The following ROBO2 variants were observed in gnomAD, a reference collection of about 807,000 sequenced individuals.
The protein encoded by ROBO2 is roundabout homolog 2.
ROBO2 carries 53 observed loss-of-function variants against 160.8 expected under a neutral mutation model. The observed-to-expected ratio is 0.33, with a 90% CI of 0.26 to 0.41. ROBO2 has a LOEUF of 0.41. ROBO2 is among the 10% of genes least tolerant of loss of function. The probability of loss-of-function intolerance (pLI) is 1.00; values close to 1 mark genes in which losing one functional copy is unlikely to be tolerated. For synonymous variants in ROBO2, 664 were observed against 611.7 expected (o/e 1.09, Z -1.26); for missense variants, 1,577 against 1,722.4 (o/e 0.92, Z 1.49).
intron 2 of ROBO2, among the ~76,000 whole-genome samples, chr3:76,735,742 G>A (rs1278855075): frequency 2.2e-5 from 3 of 138,072 alleles, no homozygotes; most frequent in Non-Finnish European, 3.1e-5. Flanking sequence ...CCAGGGTGAC[G>A]GAGGGAGACC....
chr3:77,223,548 G>T (rs965834640), intron 2 of ROBO2, among the ~76,000 whole-genome samples: 1 of 152,008 alleles, frequency 6.6e-6, no homozygotes, highest in Non-Finnish European at 1.5e-5. Flanking sequence ...CCATGCAAAA[G>T]GATGACATGA....
At chr3:76,351,642 A>T (rs927467629) in intron 2 of ROBO2, among the ~76,000 whole-genome samples, 2 of 151,978 alleles carry the variant, frequency 1.3e-5, no homozygotes, top group African/African-American at 4.8e-5. Flanking sequence ...CATGAGGCTT[A>T]TGTTTCCATA....
intron 2 of ROBO2, among the ~76,000 whole-genome samples, chr3:76,778,891 G>T (rs1373255565): frequency 2.0e-5 from 3 of 151,048 alleles, no homozygotes; most frequent in African/African-American, 7.3e-5. Flanking sequence ...TCAGTGACCA[G>T]TTACTTCTAC....
intron 2 of ROBO2, among the ~76,000 whole-genome samples, chr3:77,416,129 G>C (rs1050959076): frequency 6.6e-6 from 1 of 152,158 alleles, no homozygotes; most frequent in Non-Finnish European, 1.5e-5. Flanking sequence ...TAAAGTTCTT[G>C]ACAATAAGAG....
At chr3:76,015,272 C>T (rs549409216) in intron 2 of ROBO2, among the ~76,000 whole-genome samples, 26 of 152,096 alleles carry the variant, frequency 1.7e-4, no homozygotes, top group South Asian at 6.2e-4. Context: ...AAGTCATATG[C>T]GCTTATATGT....
chr3:76,171,494 C>A (rs897398014), intron 2 of ROBO2, among the ~76,000 whole-genome samples: 2 of 151,948 alleles, frequency 1.3e-5, no homozygotes, highest in African/African-American at 4.8e-5. Context: ...TAAGGGCGGG[C>A]CAAACCAGGA....
intron 2 of ROBO2, among the ~76,000 whole-genome samples, chr3:76,368,173 G>A (rs1162455331): frequency 6.6e-6 from 1 of 151,778 alleles, no homozygotes; most frequent in East Asian, 1.9e-4. Flanking sequence ...TAGTTGAGGG[G>A]TGAATAGGAA....
intron 8 of ROBO2, among the ~76,000 whole-genome samples, chr3:77,555,032 T>C (rs2093060655): frequency 6.6e-6 from 1 of 151,924 alleles, no homozygotes; most frequent in South Asian, 2.1e-4. Context: ...GCTACCCCAA[T>C]CTTCAGCAAC....
intron 2 of ROBO2, among the ~76,000 whole-genome samples, chr3:77,417,229 C>A (rs1057208112): frequency 3.3e-5 from 3 of 91,854 alleles, no homozygotes; most frequent in Non-Finnish European, 6.5e-5. Context: ...GCAGGGTAAC[C>A]ACTTTTTTTT....
intron 3 of ROBO2, 75 bp from the exon 4 acceptor site, chr3:77,481,024 A>T (rs2084626999): frequency 2.3e-6 from 3 of 1,309,138 alleles, no homozygotes; most frequent in Admixed American, 1.7e-5. Flanking sequence ...ACTCAAAACT[A>T]TTTATTAATG....
intron 2 of ROBO2, among the ~76,000 whole-genome samples, chr3:77,345,163 G>C (rs886880190): frequency 6.6e-6 from 1 of 152,176 alleles, no homozygotes; most frequent in African/African-American, 2.4e-5. Context: ...CTAGGTGAAG[G>C]ATTTGCATCA....
intron 1 of ROBO2, among the ~76,000 whole-genome samples, chr3:77,094,105 A>G (rs2070718381): frequency 6.6e-6 from 1 of 152,158 alleles, no homozygotes; most frequent in Non-Finnish European, 1.5e-5. Context: ...TCATCCCTAA[A>G]GAAATCCCAT....
intron 2 of ROBO2, among the ~76,000 whole-genome samples, chr3:76,492,936 C>T (rs1301676485): frequency 6.6e-6 from 1 of 152,006 alleles, no homozygotes; most frequent in African/African-American, 2.4e-5. Context: ...TTAATTTTTA[C>T]ATTGTACATT....
chr3:76,696,446 G>T (rs1447259527), intron 2 of ROBO2, among the ~76,000 whole-genome samples: 1 of 151,768 alleles, frequency 6.6e-6, no homozygotes, highest in Non-Finnish European at 1.5e-5. Context: ...GAAGGGAGGG[G>T]ACCCAAAGGG....
At chr3:77,354,715 T>C (rs1161480737) in intron 2 of ROBO2, among the ~76,000 whole-genome samples, 1 of 152,202 alleles carries the variant, frequency 6.6e-6, no homozygotes, top group Admixed American at 6.5e-5. Context: ...AAAGATGGCA[T>C]TTCTGGCATG....
intron 2 of ROBO2, among the ~76,000 whole-genome samples, chr3:76,096,892 T>C (rs916242174): frequency 6.6e-6 from 1 of 152,160 alleles, no homozygotes; most frequent in Admixed American, 6.5e-5. Context: ...GCTTATAGTC[T>C]AGTGAGAAAC....
At chr3:76,597,494 C>CAA (rs1186214263) in intron 2 of ROBO2, among the ~76,000 whole-genome samples, 1 of 151,930 alleles carries the variant, frequency 6.6e-6, no homozygotes, top group Non-Finnish European at 1.5e-5. Context: ...GAAAAATAAG[C>CAA]AAAGGAAAAG....
intron 2 of ROBO2, among the ~76,000 whole-genome samples, chr3:76,232,039 A>G (rs543107038): frequency 6.6e-6 from 1 of 152,312 alleles, no homozygotes; most frequent in South Asian, 2.1e-4. Flanking sequence ...AACATCATAA[A>G]TGTTTCATCA....
At chr3:75,964,014 TGGGGAGA>T (rs1451582715) in intron 2 of ROBO2, among the ~76,000 whole-genome samples, 5 of 151,754 alleles carry the variant, frequency 3.3e-5, no homozygotes, top group Admixed American at 3.3e-4. Context: ...CGTATGAATT[TGGGGAGA>T]GGGGAGCAGC....
Sources: allele counts gnomAD v4.1 joint callset (sites outside exome capture counted in the v4.1 genomes callset), GRCh38; gene constraint gnomAD v4.1.1; transcripts MANE v1.5; gene names NCBI Gene and HGNC (gene_info 2026-07-23, HGNC 2026-07-21).